The following FCRL4 variants were observed in gnomAD, a reference collection of about 807,000 sequenced individuals.
The protein encoded by FCRL4 is Fc receptor-like protein 4.
FCRL4 carries 43 observed loss-of-function variants against 64.1 expected under a neutral mutation model. The observed-to-expected ratio is 0.67, with a 90% CI of 0.53 to 0.87. The LOEUF is 0.87. FCRL4 is among the 40% of genes least tolerant of loss of function. The pLI, the probability that FCRL4 is intolerant of heterozygous loss-of-function variation, is 0.00. For missense variants in FCRL4, 656 were observed against 613.5 expected, an observed-to-expected ratio of 1.07 and a Z score of -0.73; for synonymous variants, 253 against 239.8, an observed-to-expected ratio of 1.05 and a Z score of -0.51.
intron 2 of FCRL4, among the ~76,000 whole-genome samples, chr1:157,590,587 G>A (rs1021543282): frequency 6.7e-6 from 1 of 149,338 alleles, no homozygotes; most frequent in Non-Finnish European, 1.5e-5. Flanking sequence ...GCATGATCTC[G>A]GCTCACTGCA....
rs144706531 is a variant in FCRL4, at chr1:157,580,329, G to C, written c.1269C>G (p.Asp423Glu). 1.2e-6 allele frequency: 2 copies of C among 1,613,954 alleles called. No homozygotes were observed. The highest frequency in any genetic ancestry group is 1.7e-6 in the Non-Finnish European group (2 of 1,179,988). ...RRKSGVGFLG[D>E]ETRLPPAPGP... ...AGAAACTGAGGTCTCACCTGGTTTC[G>C]TCTCCCAAGAAACCAACTCCTGCAA... Residue 423 changes from aspartate (D) to glutamate (E), a missense_variant, in exon 8 of 12, where the codon GAC becomes GAG. Coordinates refer to ENST00000271532, the MANE Select transcript of FCRL4 (RefSeq NM_031282.3).
At chr1:157,585,417 T>TCTTTC (rs1236592170) in intron 6 of FCRL4, among the ~76,000 whole-genome samples, 3 of 145,470 alleles carry the variant, frequency 2.1e-5, no homozygotes, top group Non-Finnish European at 4.5e-5. Context: ...TTTCTTTCTT[T>TCTTTC]CTTTCCTTTT....
At chr1:157,577,239 G>A (rs1652437304) in intron 10 of FCRL4, among the ~76,000 whole-genome samples, 1 of 152,156 alleles carries the variant, frequency 6.6e-6, no homozygotes, top group Non-Finnish European at 1.5e-5. Context: ...AATTCCTCTT[G>A]AACTTCTGAA....
At chr1:157,577,876 G>A (rs1652450936) in intron 10 of FCRL4, among the ~76,000 whole-genome samples, 1 of 152,112 alleles carries the variant, frequency 6.6e-6, no homozygotes, top group Admixed American at 6.5e-5. Context: ...AGAGTCCCCA[G>A]AAATGCATTG....
At chr1:157,590,170 GCCCAAAACTCCTTT>G (rs1652807595) in intron 2 of FCRL4, among the ~76,000 whole-genome samples, 1 of 152,060 alleles carries the variant, frequency 6.6e-6, no homozygotes, top group Non-Finnish European at 1.5e-5. Flanking sequence ...CAACCCAGAA[GCCCAAAACTCCTTT>G]CCCTTTGTTT....
chr1:157,591,844 T>C (rs1238606953), intron 2 of FCRL4, among the ~76,000 whole-genome samples: 1 of 152,132 alleles, frequency 6.6e-6, no homozygotes, highest in Non-Finnish European at 1.5e-5. Context: ...TGCATGTAAA[T>C]GTTTACACTG....
At chr1:157,590,768 C>T (rs1390201697) in intron 2 of FCRL4, among the ~76,000 whole-genome samples, 7 of 152,180 alleles carry the variant, frequency 4.6e-5, no homozygotes, top group Admixed American at 4.6e-4. Flanking sequence ...CCACCTGCTT[C>T]AGCCTCCCAA....
rs150552645 is a variant in FCRL4 at position 157,589,307 on chromosome 1, G to A, written c.204C>T (p.Thr68=). The A allele has an allele frequency of 7.6e-5, 122 of 1,614,122 alleles. 1 individual carries two copies. The African/African-American group carries it at 1.5e-3, about 20-fold the overall frequency. The change falls in exon 3 of 12, where the codon ACC becomes ACT. Residue 68 remains threonine (T), a synonymous_variant. Coordinates refer to ENST00000271532, the MANE Select transcript of FCRL4 (RefSeq NM_031282.3). ...YHRHYWGEKL[T]LTPGNTLEVR... is the part of the protein sequence containing the mutation. Reference sequence around the variant, plus strand: ...CCTCGAGGGTGTTTCCTGGGGTCAGGGTCAACTTTTCTCCCCAGTAGTGCC... The same window carrying A: ...CCTCGAGGGTGTTTCCTGGGGTCAGAGTCAACTTTTCTCCCCAGTAGTGCC...
intron 6 of FCRL4, among the ~76,000 whole-genome samples, chr1:157,585,344 C>CTTTCTTTCCTTCTTTCTT (rs72007539): frequency 4.9e-5 from 4 of 81,276 alleles, no homozygotes; most frequent in East Asian, 4.2e-4. Flanking sequence ...CTTTCTCTCT[C>CTTTCTTTCCTTCTTTCTT]TCTTTCTTTC....
At chr1:157,595,682 G>A (rs1192553734) in intron 2 of FCRL4, among the ~76,000 whole-genome samples, 1 of 152,240 alleles carries the variant, frequency 6.6e-6, no homozygotes, top group Non-Finnish European at 1.5e-5. Flanking sequence ...CACCGAGGAG[G>A]GGAAGAACAG....
rs183790489 is a variant in FCRL4, at chr1:157,581,050, G to T, written c.1249+481C>A. 3.3e-5 allele frequency among the ~76,000 whole-genome samples: 5 copies of T among 152,304 alleles called. No homozygotes were observed. In the East Asian group the frequency reaches 9.7e-4, roughly 29 times the overall value. On this transcript the variant is annotated intron_variant, in intron 7 of 11. Coordinates refer to ENST00000271532, the MANE Select transcript of FCRL4 (RefSeq NM_031282.3). Reference sequence around the variant, plus strand: ...AGCACCAGATGGCAGGCTCAAGCCTGCTCAGAAAAGCCCCTGAAAAGCCAG... The same window carrying T: ...AGCACCAGATGGCAGGCTCAAGCCTTCTCAGAAAAGCCCCTGAAAAGCCAG...
At chr1:157,593,709 A>G (rs1014308265) in intron 2 of FCRL4, among the ~76,000 whole-genome samples, 2 of 152,206 alleles carry the variant, frequency 1.3e-5, no homozygotes, top group Non-Finnish European at 2.9e-5. Flanking sequence ...GTTGTAGAGA[A>G]GATTTCTGAG....
intron 8 of FCRL4, among the ~76,000 whole-genome samples, chr1:157,579,562 C>G (rs1334970861): frequency 6.6e-6 from 1 of 152,008 alleles, no homozygotes; most frequent in Non-Finnish European, 1.5e-5. Context: ...ACTAAAAATA[C>G]AAAAATTAGC....
chr1:157,591,006 AC>A (rs1435683816), intron 2 of FCRL4, among the ~76,000 whole-genome samples: 4 of 152,128 alleles, frequency 2.6e-5, no homozygotes, highest in Non-Finnish European at 5.9e-5. Context: ...CCCCAAATAT[AC>A]CAATAAGGCC....
At position 157,580,228 on chromosome 1, in the gene FCRL4, A is replaced by G. The variant is rs1652529058; in HGVS notation, c.1277+93T>C. 3.7e-6 allele frequency: 5 copies of G among 1,342,566 alleles called. No homozygotes were observed. The Admixed American group carries it at 5.1e-5, about 14-fold the overall frequency. The allele number at this position is 1,342,566 out of a possible 1,614,324, so 83.2% of individuals were successfully genotyped here. On this transcript the variant is annotated intron_variant, in intron 8 of 11. Coordinates refer to ENST00000271532, the MANE Select transcript of FCRL4 (RefSeq NM_031282.3). ...TGGAAGTATCTAGCCACAGGGCCAA[A>G]GAGGTATAACTTGACCTAATTTCAT...
chr1:157,591,490 A>G (rs1055779713), intron 2 of FCRL4, among the ~76,000 whole-genome samples: 23 of 152,194 alleles, frequency 1.5e-4, no homozygotes, highest in African/African-American at 5.1e-4. Flanking sequence ...GGTCAATTAG[A>G]CAGTTATGGA....
intron 2 of FCRL4, among the ~76,000 whole-genome samples, chr1:157,595,860 C>T (rs1652950504): frequency 6.6e-6 from 1 of 152,180 alleles, no homozygotes; most frequent in African/African-American, 2.4e-5. Context: ...GACTCAGAGT[C>T]ATCATAATTT....
In FCRL4 at chr1:157,589,296, C is replaced by G; in HGVS notation, c.215G>C (p.Gly72Ala). 6.2e-7 allele frequency: 1 copy of G among 1,614,168 alleles called. No individual in the cohort carries two copies. The highest frequency in any genetic ancestry group is 8.5e-7 in the Non-Finnish European group (1 of 1,180,030). ...AGATTCCCGAACCTCGAGGGTGTTT[C>G]CTGGGGTCAGGGTCAACTTTTCTCC... ...YWGEKLTLTP[G>A]NTLEVRESGL... The change falls in exon 3 of 12, where the codon GGA (glycine) becomes GCA (alanine). Residue 72 changes from glycine to alanine, a missense_variant. By Grantham distance (60) the Gly-to-Ala change is moderately conservative. Transcript: ENST00000271532.
At chr1:157,595,993 T>A (rs904963012) in intron 2 of FCRL4, among the ~76,000 whole-genome samples, 1 of 152,244 alleles carries the variant, frequency 6.6e-6, no homozygotes, top group African/African-American at 2.4e-5. Context: ...GGCTTATTTC[T>A]ACCCTTTTCC....
Sources: allele counts gnomAD v4.1 joint callset (sites outside exome capture counted in the v4.1 genomes callset), GRCh38; gene constraint gnomAD v4.1.1; transcripts MANE v1.5; gene names NCBI Gene and HGNC (gene_info 2026-07-23, HGNC 2026-07-21).